MGAT5: variants seen among roughly 807,000 people sequenced by gnomAD.
The protein encoded by MGAT5 is alpha-1,6-mannosylglycoprotein 6-beta-N-acetylglucosaminyltransferase.
MGAT5 carries 30 observed loss-of-function variants against 94.3 expected under a neutral mutation model. The observed-to-expected ratio is 0.32, with a 90% CI of 0.24 to 0.43. The LOEUF (loss-of-function observed/expected upper bound fraction) is 0.43, where lower values mean the gene tolerates loss of function less well. MGAT5 is among the 20% of genes least tolerant of loss of function. The probability of loss-of-function intolerance (pLI) is 1.00; values close to 1 mark genes in which losing one functional copy is unlikely to be tolerated. For missense variants in MGAT5, 691 were observed against 905.5 expected, an observed-to-expected ratio of 0.76 and a Z score of 3.04; for synonymous variants, 310 against 322.9, an observed-to-expected ratio of 0.96 and a Z score of 0.43.
In MGAT5 at chr2:134,362,495, A is replaced by C. The variant is rs1055824145; in HGVS notation, c.1380+87A>C. 2.7e-6 allele frequency: 4 copies of C among 1,496,254 alleles called. No individual in the cohort carries two copies. In the African/African-American group the frequency reaches 5.5e-5, roughly 21 times the overall value. 92.7% of individuals were successfully genotyped at this position (1,496,254 alleles called of 1,614,324 possible). The stretch of plus-strand genomic sequence containing the variant: ...CTTTGATCCAGGGAATAATCAAGCC[A>C]AGTGCCCAGGGCTTAATGGGATCTA... On this transcript the variant is annotated intron_variant, in intron 10 of 15. Coordinates refer to ENST00000281923, the MANE Select transcript of MGAT5 (RefSeq NM_002410.5).
chr2:134,236,666 C>T (rs1681653432), intron 1 of MGAT5, among the ~76,000 whole-genome samples: 1 of 152,130 alleles, frequency 6.6e-6, no homozygotes, highest in Non-Finnish European at 1.5e-5. Context: ...TTATAAATTA[C>T]CCAGTCTCGG....
chr2:134,356,552 G>A (rs779689542), intron 9 of MGAT5, among the ~76,000 whole-genome samples: 3 of 152,058 alleles, frequency 2.0e-5, no homozygotes, highest in Non-Finnish European at 4.4e-5. Context: ...GAGTCAGGAG[G>A]TACGCAAAAA....
intron 10 of MGAT5, among the ~76,000 whole-genome samples, chr2:134,377,358 C>G (rs1430692439): frequency 1.3e-5 from 2 of 152,168 alleles, no homozygotes; most frequent in Non-Finnish European, 2.9e-5. Context: ...GGGGCTGGAG[C>G]CTTTTCTCAA....
chr2:134,295,015 A>G (rs4954127), intron 2 of MGAT5, among the ~76,000 whole-genome samples: 1 of 152,196 alleles, frequency 6.6e-6, no homozygotes, highest in Admixed American at 6.5e-5. Flanking sequence ...TCGGTGTACT[A>G]TCGTGGCAAA....
intron 1 of MGAT5, among the ~76,000 whole-genome samples, chr2:134,174,429 C>T (rs1382039558): frequency 6.6e-6 from 1 of 152,266 alleles, no homozygotes; most frequent in Non-Finnish European, 1.5e-5. Flanking sequence ...ACCTCTATGC[C>T]ATGCGTGGCT....
intron 1 of MGAT5, among the ~76,000 whole-genome samples, chr2:134,150,596 AG>A (rs1165341575): frequency 6.6e-6 from 1 of 152,226 alleles, no homozygotes; most frequent in Non-Finnish European, 1.5e-5. Context: ...GCCACTCTGC[AG>A]GTTGGGCCTC....
chr2:134,451,425 C>A lies in MGAT5; in HGVS notation c.*2578C>A, dbSNP rs570424420. ...AGGGCATTATCTGAAGAGTCAGTGA[C>A]CCCTGAATGTGTACTGGCTCCCAGG... On this transcript the variant is annotated 3_prime_UTR_variant, in exon 16 of 16. Coordinates refer to ENST00000281923, the MANE Select transcript of MGAT5 (RefSeq NM_002410.5). 1 of 152,334 alleles carries A rather than the reference C, an allele frequency of 6.6e-6. No individual in the cohort carries two copies. The highest frequency in any genetic ancestry group is 2.1e-4 in the South Asian group (1 of 4,832). The allele number at this position is 152,334 out of a possible 1,614,324, so 9.4% of individuals were successfully genotyped here.
At chr2:134,366,054 A>G (rs1188066446) in intron 10 of MGAT5, among the ~76,000 whole-genome samples, 1 of 152,128 alleles carries the variant, frequency 6.6e-6, no homozygotes, top group Admixed American at 6.6e-5. Context: ...CTTAATATCA[A>G]ATGAGACTAC....
rs185951020 is a variant in MGAT5 at position 134,353,512 on chromosome 2, G to A, written c.1246+3574G>A. Among the ~76,000 whole-genome samples the A allele has an allele frequency of 7.4e-4, 113 of 152,294 alleles. 3 individuals are homozygous for A. The East Asian group carries it at 0.02, about 27-fold the overall frequency. On this transcript the variant is annotated intron_variant, in intron 9 of 15. Coordinates refer to ENST00000281923, the MANE Select transcript of MGAT5 (RefSeq NM_002410.5). ...CCACAAAGTGTAGTGGGTCACCTTCGCAAATTGCTAGGATACTACCTCATT... is the reference window on the plus strand; with the variant it reads ...CCACAAAGTGTAGTGGGTCACCTTCACAAATTGCTAGGATACTACCTCATT...
rs139115380 is a variant in MGAT5, at chr2:134,307,839, A to G, written c.407-9690A>G. ...TCAGTGTTATTTCACCTTTTATTCT[A>G]TTGATTCCCAGCTGTGGCTGCCTTT... On this transcript the variant is annotated intron_variant, in intron 2 of 15. Coordinates refer to ENST00000281923, the MANE Select transcript of MGAT5 (RefSeq NM_002410.5). Among the ~76,000 whole-genome samples, 1,227 of 152,066 alleles carry G rather than the reference A, an allele frequency of 8.1e-3. 15 individuals are homozygous for G. Among genetic ancestry groups the G allele is most frequent in the African/African-American group, 0.028 (1,170 of 41,476 alleles).
At chr2:134,208,191 TTCCAC>T (rs1173525417) in intron 1 of MGAT5, among the ~76,000 whole-genome samples, 1 of 152,164 alleles carries the variant, frequency 6.6e-6, no homozygotes, top group Non-Finnish European at 1.5e-5. Flanking sequence ...TGGACTTAGT[TTCCAC>T]CATATTCACG....
At chr2:134,277,443 G>A (rs758961541) in intron 2 of MGAT5, among the ~76,000 whole-genome samples, 6 of 152,104 alleles carry the variant, frequency 3.9e-5, no homozygotes, top group African/African-American at 7.2e-5. Flanking sequence ...AGGAGAGAGC[G>A]AGCGAGAGAG....
chr2:134,267,277 G>C (rs1277495588), intron 1 of MGAT5, among the ~76,000 whole-genome samples: 1 of 152,182 alleles, frequency 6.6e-6, no homozygotes, highest in Non-Finnish European at 1.5e-5. Flanking sequence ...TCCTGGATCT[G>C]TAATCACCTC....
At chr2:134,315,085 C>T (rs538804725) in intron 2 of MGAT5, among the ~76,000 whole-genome samples, 41 of 152,312 alleles carry the variant, frequency 2.7e-4, no homozygotes, top group African/African-American at 9.4e-4. Context: ...AATGAATGGA[C>T]CCACACTGTC....
At position 134,448,695 on chromosome 2, in the gene MGAT5, G is replaced by C. The variant is rs1032566977; in HGVS notation, c.2074G>C (p.Val692Leu). The C allele has an allele frequency of 1.2e-6, 2 of 1,614,092 alleles. No homozygotes were observed. The highest frequency in any genetic ancestry group is 1.3e-5 in the African/African-American group (1 of 74,934). ...QSSELAKDIL[V>L]PSFDPKNKHC... is the part of the protein sequence containing the mutation. ...CTCAGAGCTGGCCAAGGACATCCTG[G>C]TGCCCTCCTTTGACCCTAAGAATAA... Residue 692 changes from valine (V) to leucine (L), a missense_variant, in exon 16 of 16, where the codon GTG (valine) becomes CTG (leucine). Transcript: ENST00000281923.
intron 4 of MGAT5, 66 bp downstream of exon 4, chr2:134,318,805 G>A (rs1457177291): frequency 8.7e-7 from 1 of 1,147,600 alleles, no homozygotes; most frequent in East Asian, 2.4e-5. Context: ...AGCTGAGTCT[G>A]AAATTTGAAA....
chr2:134,338,158 A>T, intron 5 of MGAT5, 101 bp from the exon 6 acceptor site: 1 of 977,732 alleles, frequency 1.0e-6, no homozygotes, highest in Non-Finnish European at 1.5e-6. Context: ...CTCTCAATTT[A>T]ATTGACTAAC....
chr2:134,262,982 T>C (rs537307437), intron 1 of MGAT5, among the ~76,000 whole-genome samples: 1 of 152,346 alleles, frequency 6.6e-6, no homozygotes, highest in African/African-American at 2.4e-5. Flanking sequence ...AGTTTTCTTC[T>C]GTGGGCTGTA....
At chr2:134,181,995 C>A (rs1279918266) in intron 1 of MGAT5, among the ~76,000 whole-genome samples, 1 of 152,168 alleles carries the variant, frequency 6.6e-6, no homozygotes, top group Non-Finnish European at 1.5e-5. Flanking sequence ...TGTGTGTGAT[C>A]ACTAGGAGAT....
Sources: gnomAD v4.1 joint callset for allele counts (sites outside exome capture counted in the v4.1 genomes callset) on GRCh38, gnomAD v4.1.1 for gene constraint, MANE v1.5 for transcripts, NCBI Gene and HGNC (gene_info 2026-07-23, HGNC 2026-07-21) for gene names.